Variants in NRXN3 observed in about 807,000 individuals in gnomAD.
NRXN3 encodes neurexin III.
In NRXN3, 32 loss-of-function variants were observed where a neutral mutation model predicts 137.6. The ratio of observed to expected loss-of-function variants is 0.23; its 90% CI spans 0.18 to 0.31. The LOEUF (loss-of-function observed/expected upper bound fraction) is 0.31. NRXN3 is among the 10% of genes least tolerant of loss of function. The pLI is 1.00. For synonymous variants in NRXN3, 798 were observed against 784.5 expected (o/e 1.02, Z -0.29); for missense variants, 1,574 against 2,062.5 (o/e 0.76, Z 4.59).
At chr14:79,012,307 A>G (rs2964908) in intron 15 of NRXN3, among the ~76,000 whole-genome samples, 9,212 of 152,168 alleles carry the variant, frequency 0.061, 944 homozygotes, top group African/African-American at 0.21. Context: ...CATTAAGTGG[A>G]CATTTAAGAT....
At chr14:78,753,945 C>T (rs2098655397) in intron 8 of NRXN3, 1 of 152,146 alleles carries the variant, frequency 6.6e-6, no homozygotes, top group Non-Finnish European at 1.5e-5. Flanking sequence ...AAAAGATAAA[C>T]TGGGGCACAT....
chr14:79,162,868 C>G (rs971840958), intron 15 of NRXN3, among the ~76,000 whole-genome samples: 8 of 151,860 alleles, frequency 5.3e-5, no homozygotes, highest in African/African-American at 9.7e-5. Flanking sequence ...ACTATTTTCT[C>G]CACCCTGCCT....
chr14:78,714,794 G>A lies in NRXN3; in HGVS notation c.1699G>A (p.Ala567Thr). The A allele has an allele frequency of 1.9e-6, 3 of 1,614,088 alleles. No homozygotes were observed. The highest frequency in any genetic ancestry group is 1.6e-4 in the Middle Eastern group (1 of 6,062). Residue 567 changes from alanine (A) to threonine (T), a missense_variant, in exon 8 of 21, where the codon GCC becomes ACC. Ala to Thr is a moderately conservative substitution (Grantham distance 58, BLOSUM62 0). Around this residue, in one of 5 missense-constraint regions of NRXN3, gnomAD observed 718 missense variants for 887.6 expected, o/e 0.81. Transcript: ENST00000335750. ...SVNSRRTPFTASGESEILDLE... is the reference protein window; with the variant it reads ...SVNSRRTPFTTSGESEILDLE... ...GAACAGCAGGCGCACGCCATTCACC[G>A]CCAGTGGGGAGAGCGAGATCCTGGA... is the stretch of plus-strand genomic sequence containing the variant.
At chr14:78,327,135 G>A (rs2080203916) in intron 4 of NRXN3, among the ~76,000 whole-genome samples, 1 of 152,158 alleles carries the variant, frequency 6.6e-6, no homozygotes. Context: ...CTCAATAAAT[G>A]TTAGATATTA....
At chr14:78,957,127 A>G (rs2152966466) in intron 10 of NRXN3, 115 bp from the exon 11 acceptor site, 1 of 1,129,182 alleles carries the variant, frequency 8.9e-7, no homozygotes. Context: ...TTTGGGTGGA[A>G]TATAATTCCT....
At chr14:79,411,617 C>CAG (rs2095418199) in intron 15 of NRXN3, among the ~76,000 whole-genome samples, 2 of 152,090 alleles carry the variant, frequency 1.3e-5, no homozygotes, top group Admixed American at 6.6e-5. Context: ...TATACTGCTA[C>CAG]TTTGATTTTA....
chr14:78,999,892 T>A (rs1260872467), intron 15 of NRXN3, among the ~76,000 whole-genome samples: 22 of 152,210 alleles, frequency 1.4e-4, no homozygotes, highest in Admixed American at 1.4e-3. Context: ...AGTACTCTAG[T>A]GATCGAGTGA....
At chr14:78,465,193 T>C (rs948259260) in intron 4 of NRXN3, among the ~76,000 whole-genome samples, 1 of 152,012 alleles carries the variant, frequency 6.6e-6, no homozygotes, top group African/African-American at 2.4e-5. Flanking sequence ...TCTAAAGATG[T>C]ATTAAAAGAA....
At chr14:79,155,076 T>C (rs935981301) in intron 15 of NRXN3, among the ~76,000 whole-genome samples, 4 of 151,884 alleles carry the variant, frequency 2.6e-5, no homozygotes, top group Non-Finnish European at 5.9e-5. Flanking sequence ...ACTGGACTTT[T>C]TCCTCCCCGT....
chr14:78,992,038 C>G (rs2099520011), intron 15 of NRXN3, among the ~76,000 whole-genome samples: 1 of 152,162 alleles, frequency 6.6e-6, no homozygotes. Flanking sequence ...AGAGTGACTC[C>G]CTTGTATGGG....
At chr14:78,599,857 G>T (rs2097188636) in intron 4 of NRXN3, among the ~76,000 whole-genome samples, 1 of 152,230 alleles carries the variant, frequency 6.6e-6, no homozygotes, top group Non-Finnish European at 1.5e-5. Context: ...CCCATGAAAA[G>T]CTTGCTGCCT....
At chr14:79,357,517 C>T (rs1213892806) in intron 15 of NRXN3, among the ~76,000 whole-genome samples, 2 of 152,076 alleles carry the variant, frequency 1.3e-5, no homozygotes, top group Non-Finnish European at 2.9e-5. Flanking sequence ...GGAAAACACA[C>T]ACTCCTTTGA....
intron 20 of NRXN3, among the ~76,000 whole-genome samples, chr14:79,828,707 T>C (rs11159418): frequency 0.91 from 132,434 of 145,484 alleles, 60,333 homozygotes; most frequent in East Asian, 1. Context: ...GGAATAGATT[T>C]GACTGGAATA....
chr14:78,420,140 C>T (rs1490069831), intron 4 of NRXN3, among the ~76,000 whole-genome samples: 1 of 152,118 alleles, frequency 6.6e-6, no homozygotes, highest in Non-Finnish European at 1.5e-5. Flanking sequence ...ACTTGACAGT[C>T]TAAGCAGGGG....
chr14:78,700,563 A>G (rs1327978211), intron 6 of NRXN3, among the ~76,000 whole-genome samples: 4 of 152,096 alleles, frequency 2.6e-5, no homozygotes, highest in Admixed American at 6.5e-5. Flanking sequence ...GACTAGTTCT[A>G]TCTCGGAGAA....
intron 16 of NRXN3, among the ~76,000 whole-genome samples, chr14:79,484,145 A>G (rs2196447): frequency 0.38 from 58,385 of 152,078 alleles, 13,360 homozygotes; most frequent in East Asian, 0.58. Context: ...GCATGAGAGC[A>G]TCTAAAATAG....
chr14:79,544,161 G>A (rs1156357534), intron 16 of NRXN3, among the ~76,000 whole-genome samples: 2 of 152,328 alleles, frequency 1.3e-5, no homozygotes, highest in East Asian at 3.9e-4. Context: ...CAAATTAAGG[G>A]ACACAGCTGA....
Position 78,803,622 on chromosome 14 carries a change from G to T in NRXN3, c.2047G>T (p.Ala683Ser). The change falls in exon 9 of 21, where the codon GCA (alanine) becomes TCA (serine). Residue 683 changes from alanine to serine, a missense_variant and splice_region_variant. Physicochemically the swap from Ala to Ser is moderately conservative, Grantham distance 99. Transcript: ENST00000335750. ...GYWGRTCERE[A>S]SILSYDGSMY... ...TCTTCTCCATTCTTCTTTGGCAGAGGCATCCATCCTGAGCTATGATGGTAG... is the reference window on the plus strand; with the variant it reads ...TCTTCTCCATTCTTCTTTGGCAGAGTCATCCATCCTGAGCTATGATGGTAG... 1 of 1,613,934 alleles carries T rather than the reference G, an allele frequency of 6.2e-7. No individual in the cohort carries two copies. The highest frequency in any genetic ancestry group is 8.5e-7 in the Non-Finnish European group (1 of 1,179,882).
intron 15 of NRXN3, among the ~76,000 whole-genome samples, chr14:79,048,776 G>T (rs1263091018): frequency 3.3e-5 from 5 of 150,916 alleles, no homozygotes; most frequent in Admixed American, 6.6e-5. Flanking sequence ...TGGAATCCCA[G>T]CACTTTGGGA....
Sources: allele counts gnomAD v4.1 joint callset (sites outside exome capture counted in the v4.1 genomes callset), GRCh38; gene constraint gnomAD v4.1.1; regional missense constraint gnomAD v4.1.1; transcripts MANE v1.5; gene names NCBI Gene and HGNC (gene_info 2026-07-23, HGNC 2026-07-21).